Variants in ZNF608 observed in about 807,000 individuals in gnomAD.
The protein encoded by ZNF608 is zinc finger protein 608, also known as renal carcinoma antigen NY-REN-36.
In ZNF608, 12 loss-of-function variants were observed where a neutral mutation model predicts 109.0. That is an observed-to-expected ratio of 0.11 (90% CI 0.07 to 0.18). The LOEUF (loss-of-function observed/expected upper bound fraction) is 0.18. Ranked by LOEUF, ZNF608 falls within the 10% of genes least tolerant of loss-of-function variation. The pLI, the probability that ZNF608 is intolerant of heterozygous loss-of-function variation, is 1.00. For synonymous variants in ZNF608, 732 were observed against 717.4 expected (o/e 1.02, Z -0.33); for missense variants, 1,707 against 1,879.3 (o/e 0.91, Z 1.70).
At chr5:124,717,648 T>A (rs1753756995) in intron 2 of ZNF608, among the ~76,000 whole-genome samples, 1 of 152,160 alleles carries the variant, frequency 6.6e-6, no homozygotes, top group South Asian at 2.1e-4. Context: ...TAAAGAGCAA[T>A]AAAATGAGCT....
chr5:124,652,899 A>G (rs1412340956), intron 3 of ZNF608, among the ~76,000 whole-genome samples: 2 of 152,266 alleles, frequency 1.3e-5, no homozygotes, highest in African/African-American at 4.8e-5. Flanking sequence ...TGAATTGGAA[A>G]TAAGTGTACA....
chr5:124,663,138 G>C (rs1020331130), intron 3 of ZNF608, among the ~76,000 whole-genome samples: 12 of 152,204 alleles, frequency 7.9e-5, no homozygotes. Context: ...GCAACAGACT[G>C]GATAGCCTCA....
chr5:124,661,614 G>A (rs1366388909), intron 3 of ZNF608, among the ~76,000 whole-genome samples: 1 of 152,192 alleles, frequency 6.6e-6, no homozygotes, highest in Admixed American at 6.5e-5. Context: ...AGGTAAAAGG[G>A]CCTTTGTTAG....
intron 2 of ZNF608, among the ~76,000 whole-genome samples, chr5:124,720,291 A>G (rs746899458): frequency 2.0e-5 from 3 of 152,242 alleles, no homozygotes; most frequent in Non-Finnish European, 2.9e-5. Context: ...TCACCACAAA[A>G]GATGTTAGAT....
intron 2 of ZNF608, among the ~76,000 whole-genome samples, chr5:124,737,593 A>G (rs1189063652): frequency 6.6e-6 from 1 of 152,210 alleles, no homozygotes; most frequent in African/African-American, 2.4e-5. Context: ...CCTGTGGTTC[A>G]AGGCCCACAG....
intron 3 of ZNF608, among the ~76,000 whole-genome samples, chr5:124,694,678 C>G (rs560342875): frequency 7.9e-5 from 12 of 152,000 alleles, no homozygotes; most frequent in Admixed American, 2.0e-4. Flanking sequence ...CCCATTAACT[C>G]GTCATTTACA....
In ZNF608 at chr5:124,637,430, G is replaced by A. The variant is rs543916205; in HGVS notation, c.*470C>T. ...TCATCATCACAGTTAGCCTTTCTGA[G>A]GGGCTTATGGGAAATATGTGAAGGA... On this transcript the variant is annotated 3_prime_UTR_variant, in exon 10 of 10. Coordinates refer to ENST00000513986, the MANE Select transcript of ZNF608 (RefSeq NM_020747.3). 1.3e-5 allele frequency: 2 copies of A among 152,628 alleles called. No homozygotes were observed. The highest frequency in any genetic ancestry group is 2.4e-5 in the African/African-American group (1 of 41,528). The allele number at this position is 152,628 out of a possible 1,614,324, so 9.5% of individuals were successfully genotyped here. A position where few individuals can be genotyped will look rare whatever the true frequency, so the allele number is the denominator to read the frequency against.
chr5:124,713,161 C>T (rs1753566309), intron 2 of ZNF608, among the ~76,000 whole-genome samples: 3 of 152,240 alleles, frequency 2.0e-5, no homozygotes, highest in Admixed American at 2.0e-4. Flanking sequence ...TCCCTTCTCT[C>T]TTACTACTCT....
At position 124,706,398 on chromosome 5, in the gene ZNF608, ATC is replaced by A. The variant is rs1440603819; in HGVS notation, c.907-5131_907-5130del. On this transcript the variant is annotated intron_variant, in intron 2 of 9. Transcript: ENST00000513986. ...ATATTAGTATCATTATTACAAATAT[ATC>A]TGAGACCTGAAATCGATAGGTGGTT... Among the ~76,000 whole-genome samples, 5 of 152,228 alleles carry A rather than the reference ATC, an allele frequency of 3.3e-5. No individual in the cohort carries two copies. The East Asian group carries it at 9.6e-4, about 29-fold the overall frequency.
chr5:124,722,797 C>A (rs868175501), intron 2 of ZNF608, among the ~76,000 whole-genome samples: 90 of 152,138 alleles, frequency 5.9e-4, no homozygotes, highest in African/African-American at 1.7e-3. Flanking sequence ...AAGCCTGAGA[C>A]TGAATATTTG....
Position 124,678,835 on chromosome 5 carries a change from T to C in ZNF608, c.1162+22179A>G, listed in dbSNP as rs150095099. Reference sequence around the variant, plus strand: ...GGTTGCCCTCAGATATGAAAAAAGATTGGTGTATTTTCCCAAGAGTACACC... The same window carrying C: ...GGTTGCCCTCAGATATGAAAAAAGACTGGTGTATTTTCCCAAGAGTACACC... On this transcript the variant is annotated intron_variant, in intron 3 of 9. Transcript: ENST00000513986. 3.5e-3 allele frequency among the ~76,000 whole-genome samples: 527 copies of C among 152,294 alleles called. 3 individuals carry two copies. Among genetic ancestry groups the C allele is most frequent in the Middle Eastern group, 0.01 (3 of 292 alleles).
At chr5:124,675,757 C>T (rs1005123624) in intron 3 of ZNF608, among the ~76,000 whole-genome samples, 1 of 152,224 alleles carries the variant, frequency 6.6e-6, no homozygotes, top group Non-Finnish European at 1.5e-5. Flanking sequence ...GCTCTGCCCC[C>T]TCACGGCGTT....
intron 2 of ZNF608, among the ~76,000 whole-genome samples, chr5:124,719,270 T>C (rs1288560735): frequency 6.6e-6 from 1 of 152,242 alleles, no homozygotes; most frequent in East Asian, 1.9e-4. Context: ...CAGTGATGTC[T>C]GTATTTAACA....
chr5:124,657,394 GCT>G (rs1751056748), intron 3 of ZNF608, among the ~76,000 whole-genome samples: 1 of 152,132 alleles, frequency 6.6e-6, no homozygotes, highest in Non-Finnish European at 1.5e-5. Context: ...AGGTGCAGTG[GCT>G]CACGCCTGTA....
At chr5:124,663,876 T>A (rs1561545281) in intron 3 of ZNF608, among the ~76,000 whole-genome samples, 1 of 152,220 alleles carries the variant, frequency 6.6e-6, no homozygotes, top group Non-Finnish European at 1.5e-5. Context: ...GCCGATTACA[T>A]TTTCTGGTGC....
intron 1 of ZNF608, 168 bp downstream of exon 1, chr5:124,746,027 A>T (rs1749627430): frequency 3.5e-6 from 2 of 575,174 alleles, no homozygotes; most frequent in Non-Finnish European, 2.2e-6. Flanking sequence ...CATACACTTT[A>T]AGTGATCTGC....
chr5:124,678,216 A>G (rs1243813093), intron 3 of ZNF608, among the ~76,000 whole-genome samples: 1 of 152,206 alleles, frequency 6.6e-6, no homozygotes, highest in Non-Finnish European at 1.5e-5. Flanking sequence ...CCAAAAAAGG[A>G]AAGCTGGCAA....
In ZNF608 at chr5:124,639,166, G is replaced by A. The variant is rs766318528; in HGVS notation, c.4499C>T (p.Ala1500Val). 2 of 1,614,242 alleles carry A rather than the reference G, an allele frequency of 1.2e-6. No individual in the cohort carries two copies. The highest frequency in any genetic ancestry group is 2.2e-5 in the East Asian group (1 of 44,892). Residue 1500 changes from alanine (A) to valine (V), a missense_variant, in exon 9 of 10, where the codon GCA becomes GTA. By Grantham distance (64) the Ala-to-Val change is moderately conservative. Around this residue, in one of 7 missense-constraint regions of ZNF608, gnomAD observed 1,073 missense variants for 1,133.5 expected, o/e 0.95. Coordinates refer to ENST00000513986, the MANE Select transcript of ZNF608 (RefSeq NM_020747.3). Reference protein sequence around the residue: ...LVASQQVAAQASASGMFPGQR... With the variant: ...LVASQQVAAQVSASGMFPGQR... The stretch of plus-strand genomic sequence containing the variant: ...TCCAGGAAACATTCCAGATGCAGAT[G>A]CCTGGGCAGCCACCTGCTGAGAGGC...
At position 124,720,522 on chromosome 5, in the gene ZNF608, T is replaced by G. The variant is rs1198808296; in HGVS notation, c.907-19253A>C. On this transcript the variant is annotated intron_variant, in intron 2 of 9. Transcript: ENST00000513986. ...GAATTCATTCAGGTGAAACAGACTTTCATGGTAAACATGTATAGCTTCAAT... is the reference window on the plus strand; with the variant it reads ...GAATTCATTCAGGTGAAACAGACTTGCATGGTAAACATGTATAGCTTCAAT... Among the ~76,000 whole-genome samples the G allele has an allele frequency of 2.0e-5, 3 of 152,214 alleles. No individual in the cohort carries two copies. The South Asian group carries it at 6.2e-4, about 32-fold the overall frequency.
Sources: gnomAD v4.1 joint callset for allele counts (sites outside exome capture counted in the v4.1 genomes callset) on GRCh38, gnomAD v4.1.1 for gene constraint, gnomAD v4.1.1 regional missense constraint, MANE v1.5 for transcripts, NCBI Gene and HGNC (gene_info 2026-07-23, HGNC 2026-07-21) for gene names.